The following ATF1 variants were observed in gnomAD, a reference collection of about 807,000 sequenced individuals.
ATF1 encodes the protein cyclic AMP-dependent transcription factor ATF-1.
A neutral mutation model predicts 34.7 loss-of-function variants in ATF1; 16 were observed. The ratio of observed to expected loss-of-function variants is 0.46; its 90% CI spans 0.31 to 0.70. ATF1 has a LOEUF of 0.70. Ranked by LOEUF, ATF1 falls within the 30% of genes least tolerant of loss-of-function variation. The pLI is 0.05. For synonymous variants in ATF1, 105 were observed against 113.1 expected, an observed-to-expected ratio of 0.93 and a Z score of 0.46; for missense variants, 255 against 321.6, an observed-to-expected ratio of 0.79 and a Z score of 1.58.
intron 2 of ATF1, among the ~76,000 whole-genome samples, chr12:50,786,102 AG>A (rs2139658168): frequency 6.6e-6 from 1 of 152,270 alleles, no homozygotes; most frequent in South Asian, 2.1e-4. Flanking sequence ...TTTATCCAGT[AG>A]GCAGCTAGAT....
chr12:50,772,358 CTGT>C (rs1940794859), intron 1 of ATF1, among the ~76,000 whole-genome samples: 1 of 139,072 alleles, frequency 7.2e-6, no homozygotes, highest in Non-Finnish European at 1.5e-5. Context: ...TGGAGTTTCA[CTGT>C]TGTTGCCCAG....
At chr12:50,778,857 G>A (rs184633697) in intron 1 of ATF1, among the ~76,000 whole-genome samples, 6 of 152,226 alleles carry the variant, frequency 3.9e-5, no homozygotes, top group African/African-American at 7.2e-5. Flanking sequence ...CTAGGATTAC[G>A]GCCTTGAGCC....
Position 50,805,968 on chromosome 12 carries a change from T to C in ATF1, c.195-3488T>C, listed in dbSNP as rs558753780. 2.8e-3 allele frequency among the ~76,000 whole-genome samples: 428 copies of C among 152,174 alleles called. 1 individual carries two copies. Among genetic ancestry groups the C allele is most frequent in the African/African-American group, 9.6e-3 (398 of 41,530 alleles). On this transcript the variant is annotated intron_variant, in intron 3 of 6. Coordinates refer to ENST00000262053, the MANE Select transcript of ATF1 (RefSeq NM_005171.5). ...GAGTTCAACACCAGCCTGGCCAACA[T>C]GGTGAAACCCCGTCTCCACTAACAA...
chr12:50,765,932 GCTGCTCTGT>G (rs1483123150), intron 1 of ATF1, among the ~76,000 whole-genome samples: 3 of 152,170 alleles, frequency 2.0e-5, no homozygotes, highest in African/African-American at 7.2e-5. Flanking sequence ...AGCCCTTGGG[GCTGCTCTGT>G]CTATGGAGTA....
rs1357801079 is a variant in ATF1, at chr12:50,819,683, C to T, written c.720C>T (p.Cys240=). The T allele has an allele frequency of 6.2e-7, 1 of 1,611,928 alleles. No individual in the cohort carries two copies. The highest frequency in any genetic ancestry group is 1.7e-5 in the Admixed American group (1 of 59,804). ...CRRKKKEYVK[C]LENRVAVLEN... is the part of the protein sequence containing the mutation. ...GAAAGAAGAAAGAATATGTGAAATG[C>T]CTGGAAAACCGAGTTGCAGTCCTGG... is the stretch of plus-strand genomic sequence containing the variant. The change falls in exon 7 of 7, where the codon TGC becomes TGT. Residue 240 remains cysteine (C), a synonymous_variant. Coordinates refer to ENST00000262053, the MANE Select transcript of ATF1 (RefSeq NM_005171.5).
At chr12:50,781,230 TAA>T (rs1230308586) in intron 2 of ATF1, among the ~76,000 whole-genome samples, 6 of 152,194 alleles carry the variant, frequency 3.9e-5, no homozygotes, top group African/African-American at 1.4e-4. Flanking sequence ...CTGTATACTT[TAA>T]ATCATTTCTA....
chr12:50,804,821 T>C (rs1941582895), intron 3 of ATF1, among the ~76,000 whole-genome samples: 2 of 151,728 alleles, frequency 1.3e-5, no homozygotes, highest in African/African-American at 4.8e-5. Context: ...TTTTTTTTTT[T>C]TTTTTCCCGA....
intron 2 of ATF1, 122 bp from the exon 3 acceptor site, chr12:50,795,787 A>T: frequency 1.3e-6 from 1 of 753,418 alleles, no homozygotes; most frequent in Non-Finnish European, 2.2e-6. Flanking sequence ...TTTAGACTTT[A>T]GATTTAATGT....
intron 2 of ATF1, among the ~76,000 whole-genome samples, chr12:50,780,870 G>A (rs1941045114): frequency 6.6e-6 from 1 of 152,056 alleles, no homozygotes; most frequent in Admixed American, 6.6e-5. Context: ...TGAGGCAGGA[G>A]AATCGCTTGA....
chr12:50,820,028 C>A lies in ATF1; in HGVS notation c.*249C>A. 1 of 299,804 alleles carries A rather than the reference C, an allele frequency of 3.3e-6. No individual in the cohort carries two copies. The highest frequency in any genetic ancestry group is 6.1e-6 in the Non-Finnish European group (1 of 163,648). 18.6% of individuals were successfully genotyped at this position (299,804 alleles called of 1,614,324 possible). A position where few individuals can be genotyped will look rare whatever the true frequency, so the allele number is the denominator to read the frequency against. On this transcript the variant is annotated 3_prime_UTR_variant, in exon 7 of 7. Transcript: ENST00000262053. ...CAAGGAGCAAGAAATGAACTTTCAG[C>A]AGTCTAAATTTTCTAAATAACCAAT...
At chr12:50,801,775 A>C (rs1247952776) in intron 3 of ATF1, among the ~76,000 whole-genome samples, 2 of 152,254 alleles carry the variant, frequency 1.3e-5, no homozygotes, top group Non-Finnish European at 2.9e-5. Flanking sequence ...TTACCATTTC[A>C]TGATAAAACT....
At chr12:50,780,805 C>A (rs1166650446) in intron 2 of ATF1, among the ~76,000 whole-genome samples, 3 of 151,970 alleles carry the variant, frequency 2.0e-5, no homozygotes, top group South Asian at 2.1e-4. Flanking sequence ...TAATAAAAAT[C>A]AAAAATTAGC....
At chr12:50,806,749 T>C (rs1941624087) in intron 3 of ATF1, among the ~76,000 whole-genome samples, 1 of 151,468 alleles carries the variant, frequency 6.6e-6, no homozygotes, top group African/African-American at 2.4e-5. Context: ...GGAGCTCTAC[T>C]CTAGACCTAC....
At chr12:50,768,849 T>C (rs1279923762) in intron 1 of ATF1, among the ~76,000 whole-genome samples, 1 of 152,238 alleles carries the variant, frequency 6.6e-6, no homozygotes, top group East Asian at 1.9e-4. Context: ...ACTGTTTCTT[T>C]GACTTTTAAA....
rs1940598339 is a variant in ATF1 at position 50,765,049 on chromosome 12, C to T, written c.-7+742C>T. ...ACTTTGATCGACGCCGTGCAGCTGG[C>T]GGCTGAATCGCTTTGAAATGATTGC... On this transcript the variant is annotated intron_variant, in intron 1 of 6. Coordinates refer to ENST00000262053, the MANE Select transcript of ATF1 (RefSeq NM_005171.5). Among the ~76,000 whole-genome samples the T allele has an allele frequency of 2.0e-5, 3 of 152,152 alleles. No individual in the cohort carries two copies. The South Asian group carries it at 6.2e-4, about 32-fold the overall frequency.
chr12:50,817,029 T>C (rs1480397159), intron 6 of ATF1, among the ~76,000 whole-genome samples: 1 of 152,176 alleles, frequency 6.6e-6, no homozygotes, highest in African/African-American at 2.4e-5. Flanking sequence ...TGGCAAGGAT[T>C]TGGAACAATG....
At chr12:50,795,849 A>G in intron 2 of ATF1, 60 bp from the exon 3 acceptor site, 1 of 1,336,600 alleles carries the variant, frequency 7.5e-7, no homozygotes, top group Non-Finnish European at 1.1e-6. Flanking sequence ...AAAAGTAAAA[A>G]TTCAGTTGTT....
intron 3 of ATF1, among the ~76,000 whole-genome samples, chr12:50,808,451 C>T (rs1941663346): frequency 6.6e-6 from 1 of 151,868 alleles, no homozygotes; most frequent in African/African-American, 2.4e-5. Flanking sequence ...ACCTCAGCCC[C>T]CCGAGTAGCT....
In ATF1 at chr12:50,795,963, TC is replaced by T; in HGVS notation, c.150del (p.Ser51HisfsTer8). The T allele has an allele frequency of 6.2e-7, 1 of 1,612,922 alleles. No individual in the cohort carries two copies. Among genetic ancestry groups the T allele is most frequent in the Non-Finnish European group, 8.5e-7 (1 of 1,179,724 alleles). ...CCAGGACTCATCCGACAGCATAGGC[TC>T]CTCACAGAAAGCCCACGGGATCCTA... ...ESQDSSDSIG[S>X]SQKAHGILAR... is the part of the protein sequence containing the mutation. On this transcript the variant is annotated frameshift_variant, in exon 3 of 7. Coordinates refer to ENST00000262053, the MANE Select transcript of ATF1 (RefSeq NM_005171.5). LOFTEE classifies it high-confidence loss of function.
Sources: gnomAD v4.1 joint callset for allele counts (sites outside exome capture counted in the v4.1 genomes callset) on GRCh38, gnomAD v4.1.1 for gene constraint, MANE v1.5 for transcripts, NCBI Gene and HGNC (gene_info 2026-07-23, HGNC 2026-07-21) for gene names.